Variants in SLC9B1 observed in about 807,000 individuals in gnomAD.
SLC9B1 encodes the protein solute carrier family 9 member B1, also known as sodium/hydrogen exchanger 9B1.
Under a neutral mutation model 51.7 loss-of-function variants are expected in SLC9B1, and 32 were observed. That is an observed-to-expected ratio of 0.62 (90% CI 0.47 to 0.83). The LOEUF (loss-of-function observed/expected upper bound fraction) is 0.83, where lower values mean the gene tolerates loss of function less well. SLC9B1 is among the 40% of genes least tolerant of loss of function. The pLI is 0.00. For missense variants in SLC9B1, 406 were observed against 613.2 expected, an observed-to-expected ratio of 0.66 and a Z score of 3.57; for synonymous variants, 145 against 212.7, an observed-to-expected ratio of 0.68 and a Z score of 2.77.
At chr4:102,922,759 C>A (rs947411098) in intron 7 of SLC9B1, among the ~76,000 whole-genome samples, 32 of 152,270 alleles carry the variant, frequency 2.1e-4, no homozygotes, top group Non-Finnish European at 4.0e-4. Context: ...AAACTACCAT[C>A]AGAGAATACT....
At chr4:102,899,598 G>A, downstream of SLC9B1, among the ~76,000 whole-genome samples, 1 of 151,874 alleles carries the variant, frequency 6.6e-6, no homozygotes, top group Non-Finnish European at 1.5e-5. Context: ...ATTTTTAGTA[G>A]AGACGGGGTT....
In SLC9B1 at chr4:102,977,308, A is replaced by G. The variant is rs868297864; in HGVS notation, c.211+12492T>C. Among the ~76,000 whole-genome samples the G allele has an allele frequency of 9.2e-3, 1,397 of 151,772 alleles. 13 individuals carry two copies. The highest frequency in any genetic ancestry group is 0.03 in the African/African-American group (1,261 of 41,470). ...ACAATATTATAACTTAAAAAAAAAAAAAAAAAAACAGAAAAAAAGGAAGAA... is the reference window on the plus strand; with the variant it reads ...ACAATATTATAACTTAAAAAAAAAAGAAAAAAAACAGAAAAAAAGGAAGAA... On this transcript the variant is annotated intron_variant, in intron 3 of 11. Transcript: ENST00000296422.
intron 7 of SLC9B1, among the ~76,000 whole-genome samples, chr4:102,930,586 G>A (rs1406010595): frequency 6.6e-6 from 1 of 151,836 alleles, no homozygotes; most frequent in Non-Finnish European, 1.5e-5. Flanking sequence ...TGTATTTTTA[G>A]TAGAGACAGG....
intron 3 of SLC9B1, among the ~76,000 whole-genome samples, chr4:102,972,497 C>T (rs1321800389): frequency 1.3e-5 from 2 of 152,122 alleles, no homozygotes; most frequent in South Asian, 2.1e-4. Context: ...CTGCTCGCCT[C>T]GGCCTCCCAA....
chr4:102,936,369 C>A (rs542793258), intron 6 of SLC9B1, among the ~76,000 whole-genome samples: 26 of 152,212 alleles, frequency 1.7e-4, no homozygotes, highest in Non-Finnish European at 3.5e-4. Flanking sequence ...TTCCTGTCTT[C>A]AAGCAATCAT....
intron 7 of SLC9B1, among the ~76,000 whole-genome samples, chr4:102,927,762 A>G (rs1736260774): frequency 6.6e-6 from 1 of 152,234 alleles, no homozygotes; most frequent in Admixed American, 6.5e-5. Context: ...GCTACTATAA[A>G]GACACATGCA....
chr4:102,899,229 C>T (rs1450605496), downstream of SLC9B1, among the ~76,000 whole-genome samples: 1 of 151,082 alleles, frequency 6.6e-6, no homozygotes, highest in African/African-American at 2.4e-5. Flanking sequence ...ATCACAGACA[C>T]TTAGAGAAAG....
chr4:102,965,081 T>A (rs1245986732), intron 3 of SLC9B1, among the ~76,000 whole-genome samples: 1 of 152,132 alleles, frequency 6.6e-6, no homozygotes, highest in Admixed American at 6.5e-5. Flanking sequence ...GTAGAGTATA[T>A]GATCAATATA....
chr4:102,890,530 T>C (rs1339601211), intron 11 of SLC9B1: 2 of 152,122 alleles, frequency 1.3e-5, no homozygotes, highest in African/African-American at 4.8e-5. Context: ...CTAATGCTTG[T>C]ACTTTATTCA....
At chr4:102,925,438 A>T (rs1736111033) in intron 7 of SLC9B1, among the ~76,000 whole-genome samples, 1 of 152,122 alleles carries the variant, frequency 6.6e-6, no homozygotes, top group African/African-American at 2.4e-5. Context: ...GCATTAGGAG[A>T]TATATCTAAT....
chr4:102,977,221 C>T (rs1739119065), intron 3 of SLC9B1, among the ~76,000 whole-genome samples: 1 of 146,858 alleles, frequency 6.8e-6, no homozygotes, highest in South Asian at 2.1e-4. Context: ...AACTGAATAA[C>T]AGCATGAAGA....
chr4:102,966,535 T>C (rs371540164), intron 3 of SLC9B1, among the ~76,000 whole-genome samples: 174 of 152,268 alleles, frequency 1.1e-3, no homozygotes, highest in African/African-American at 4.1e-3. Context: ...CTGGGTATGA[T>C]TGTGCCATGG....
intron 3 of SLC9B1, among the ~76,000 whole-genome samples, chr4:102,979,045 A>G (rs1371602962): frequency 6.6e-6 from 1 of 152,192 alleles, no homozygotes; most frequent in East Asian, 1.9e-4. Context: ...TCTACTTATG[A>G]CAGGGTAAAA....
chr4:102,917,913 T>C (rs549962653), intron 7 of SLC9B1, among the ~76,000 whole-genome samples: 8 of 151,434 alleles, frequency 5.3e-5, no homozygotes, highest in Non-Finnish European at 1.2e-4. Context: ...TACTAAAAAA[T>C]ACAAAATTAG....
chr4:102,970,162 G>A (rs1277669528), intron 3 of SLC9B1, among the ~76,000 whole-genome samples: 1 of 152,138 alleles, frequency 6.6e-6, no homozygotes, highest in Non-Finnish European at 1.5e-5. Context: ...TCCTCGAGAA[G>A]AGCAACCCCA....
At chr4:102,888,511 G>C (rs1316532333) in intron 11 of SLC9B1, 1 of 152,242 alleles carries the variant, frequency 6.6e-6, no homozygotes, top group African/African-American at 2.4e-5. Context: ...GTTCAAACCC[G>C]TGTGTAAGGG....
At chr4:102,928,383 T>G (rs1736293768) in intron 7 of SLC9B1, among the ~76,000 whole-genome samples, 1 of 152,192 alleles carries the variant, frequency 6.6e-6, no homozygotes, top group African/African-American at 2.4e-5. Flanking sequence ...AACAAGTTCT[T>G]TATCTCCATC....
chr4:102,889,263 TTTTCGGATACA>T (rs1455168845), intron 11 of SLC9B1: 1 of 152,404 alleles, frequency 6.6e-6, no homozygotes, highest in Non-Finnish European at 1.5e-5. Context: ...TCTGGGTGCT[TTTTCGGATACA>T]TTTTCTTCAA....
intron 4 of SLC9B1, among the ~76,000 whole-genome samples, chr4:102,947,642 C>T (rs1201100488): frequency 3.9e-5 from 6 of 152,314 alleles, no homozygotes; most frequent in Non-Finnish European, 8.8e-5. Flanking sequence ...CATGAGCCAC[C>T]GTGCCTGGCC....
Sources: allele counts gnomAD v4.1 joint callset (sites outside exome capture counted in the v4.1 genomes callset), GRCh38; gene constraint gnomAD v4.1.1; transcripts MANE v1.5; gene names NCBI Gene and HGNC (gene_info 2026-07-23, HGNC 2026-07-21).